DNAH7: variants seen among roughly 807,000 people sequenced by gnomAD.
The protein encoded by DNAH7 is axonemal beta dynein heavy chain 7.
DNAH7 carries 397 observed loss-of-function variants against 444.6 expected under a neutral mutation model. The ratio of observed to expected loss-of-function variants is 0.89; its 90% confidence interval spans 0.82 to 0.97. The LOEUF (loss-of-function observed/expected upper bound fraction) is 0.97, where lower values mean the gene tolerates loss of function less well. Among genes scored for constraint, DNAH7 ranks in the 50% least tolerant of loss-of-function variants. The pLI, the probability that DNAH7 is intolerant of heterozygous loss-of-function variation, is 0.00. For missense variants in DNAH7, 4,902 were observed against 4,800.8 expected, an observed-to-expected ratio of 1.02 and a Z score of -0.62; for synonymous variants, 1,636 against 1,624.4, an observed-to-expected ratio of 1.01 and a Z score of -0.17.
At chr2:195,985,465 T>C (rs1023066304) in intron 14 of DNAH7, among the ~76,000 whole-genome samples, 3 of 152,150 alleles carry the variant, frequency 2.0e-5, no homozygotes, top group African/African-American at 4.8e-5. Flanking sequence ...TTGAAAGCAA[T>C]GGGGCTGAGC....
chr2:195,962,680 A>T (rs1691191853), intron 17 of DNAH7, among the ~76,000 whole-genome samples: 1 of 152,164 alleles, frequency 6.6e-6, no homozygotes, highest in Non-Finnish European at 1.5e-5. Flanking sequence ...ATGTGCAATT[A>T]AATTATTGTT....
At chr2:196,015,827 T>C (rs1323747285) in intron 9 of DNAH7, among the ~76,000 whole-genome samples, 1 of 152,222 alleles carries the variant, frequency 6.6e-6, no homozygotes, top group Non-Finnish European at 1.5e-5. Flanking sequence ...CAATGCTGGC[T>C]ACTACTCAGA....
chr2:195,968,106 C>A (rs1209246291), intron 17 of DNAH7, among the ~76,000 whole-genome samples: 5 of 152,212 alleles, frequency 3.3e-5, no homozygotes, highest in African/African-American at 1.2e-4. Context: ...GCCTTCAGGG[C>A]AGTGGGCTCC....
chr2:195,884,866 T>A, intron 34 of DNAH7, 57 bp from the exon 35 acceptor site: 1 of 1,433,644 alleles, frequency 7.0e-7, no homozygotes, highest in South Asian at 1.3e-5. Flanking sequence ...TAATCTGTCC[T>A]TGAAGCTTAC....
In DNAH7 at chr2:196,010,151, CTT is replaced by C. The variant is rs369388805; in HGVS notation, c.989+2634_989+2635del. ...CCTGCTCTTCTTCTTCTTTCTCTCTCTTTTTTTTTTTTTCTTGAGCCAGAGTC... is the reference window on the plus strand; with the variant it reads ...CCTGCTCTTCTTCTTCTTTCTCTCTCTTTTTTTTTTTCTTGAGCCAGAGTC... On this transcript the variant is annotated intron_variant, in intron 10 of 64. Coordinates refer to ENST00000312428, the MANE Select transcript of DNAH7 (RefSeq NM_018897.3). 8.3e-5 allele frequency among the ~76,000 whole-genome samples: 12 copies of C among 145,108 alleles called. No individual in the cohort carries two copies. In the South Asian group the frequency reaches 1.7e-3, roughly 21 times the overall value.
Position 195,796,719 on chromosome 2 carries a change from G to A in DNAH7, c.10372C>T (p.Leu3458Phe), listed in dbSNP as rs140171981. Residue 3458 changes from leucine to phenylalanine, a missense_variant, in exon 56 of 65, where the codon CTT becomes TTT. Physicochemically the swap from Leu to Phe is conservative, Grantham distance 22. Transcript: ENST00000312428. ...CCTTGACCAAGAGATAAAGAGCTAAGTTTTGATCCCCCATATCCCTGTGTA... is the reference window on the plus strand; with the variant it reads ...CCTTGACCAAGAGATAAAGAGCTAAATTTTGATCCCCCATATCCCTGTGTA... ...ADDQGYGGSK[L>F]SSLSLGQGQG... 1.4e-5 allele frequency: 23 copies of A among 1,614,084 alleles called. 1 individual carries two copies. The African/African-American group carries it at 2.5e-4, about 18-fold the overall frequency.
intron 63 of DNAH7, among the ~76,000 whole-genome samples, chr2:195,747,033 C>G (rs577972491): frequency 6.6e-6 from 1 of 152,028 alleles, no homozygotes; most frequent in Non-Finnish European, 1.5e-5. Context: ...ACAAAAAAAC[C>G]CTTCAAAAAA....
At chr2:195,884,467 T>C (rs1180760614) in intron 35 of DNAH7, 118 bp downstream of exon 35, 29 of 734,138 alleles carry the variant, frequency 4.0e-5, no homozygotes, top group Admixed American at 1.2e-4. Context: ...CTCTATTCTA[T>C]GCTGTCTCTT....
At chr2:196,068,613 T>C (rs1483797257) in intron 1 of DNAH7, 84 bp downstream of exon 1, 1 of 1,533,834 alleles carries the variant, frequency 6.5e-7, no homozygotes, top group African/African-American at 1.4e-5. Flanking sequence ...GGGAGTTCGC[T>C]AGGCAGGAGG....
intron 27 of DNAH7, 87 bp from the exon 28 acceptor site, chr2:195,900,581 T>C: frequency 8.0e-7 from 1 of 1,248,300 alleles, no homozygotes; most frequent in Middle Eastern, 2.7e-4. Flanking sequence ...CTCTCACTAA[T>C]ATGTGGAGGC....
chr2:196,047,288 T>C, intron 5 of DNAH7, 64 bp downstream of exon 5: 3 of 1,377,566 alleles, frequency 2.2e-6, no homozygotes, highest in South Asian at 3.8e-5. Context: ...CTAATATTCT[T>C]AGGTTAAACG....
chr2:195,955,741 A>T (rs1690603740), intron 19 of DNAH7, among the ~76,000 whole-genome samples: 1 of 152,198 alleles, frequency 6.6e-6, no homozygotes, highest in African/African-American at 2.4e-5. Context: ...TTTAAAAAGA[A>T]TTTAATTTTT....
chr2:195,756,077 GA>G, intron 62 of DNAH7, 55 bp downstream of exon 62: 2 of 1,526,242 alleles, frequency 1.3e-6, no homozygotes, highest in Non-Finnish European at 1.8e-6. Flanking sequence ...GCATTCTGAC[GA>G]AGAAAATGAA....
chr2:195,988,935 A>G (rs1427926712), intron 12 of DNAH7, among the ~76,000 whole-genome samples: 2 of 152,152 alleles, frequency 1.3e-5, no homozygotes, highest in Admixed American at 1.3e-4. Flanking sequence ...GAGATCATTC[A>G]GTATTTGTCT....
chr2:195,916,972 G>A (rs1023864915), intron 24 of DNAH7, among the ~76,000 whole-genome samples: 4 of 149,066 alleles, frequency 2.7e-5, no homozygotes, highest in African/African-American at 9.9e-5. Context: ...TGTGGTGGCG[G>A]GCGCCTGTAG....
In DNAH7 at chr2:195,794,357, A is replaced by G. The variant is rs111705343; in HGVS notation, c.10697T>C (p.Phe3566Ser). The change falls in exon 57 of 65, where the codon TTT becomes TCT. Residue 3566 changes from phenylalanine to serine, a missense_variant. By Grantham distance (155) the Phe-to-Ser change is radical. Coordinates refer to ENST00000312428, the MANE Select transcript of DNAH7 (RefSeq NM_018897.3). ...ACTAACAGGCTTTTTGCAGCTGCCA[A>G]AGAACTCCGGATCAGAGATCGGGTC... ...LMDPISDPEF[F>S]GSCKKPEEFK... 1.4e-3 allele frequency: 2,322 copies of G among 1,614,158 alleles called. 10 individuals are homozygous for G. The highest frequency in any genetic ancestry group is 4.5e-3 in the South Asian group (412 of 91,080).
In DNAH7 at chr2:195,873,550, C is replaced by A. The variant is rs556356350; in HGVS notation, c.6413+18G>T. 2.5e-5 allele frequency: 32 copies of A among 1,261,000 alleles called. No homozygotes were observed. In the Admixed American group the frequency reaches 4.2e-4, roughly 16 times the overall value. The allele number at this position is 1,261,000 out of a possible 1,614,324, so 78.1% of individuals were successfully genotyped here. On this transcript the variant is annotated intron_variant, in intron 39 of 64. Transcript: ENST00000312428. ...TTATACCTCCTAATTAAAAAAAAAA[C>A]AAATTTTGATTACTTACCAGATTTC... is the stretch of plus-strand genomic sequence containing the variant.
chr2:195,934,821 C>T (rs748929347), intron 20 of DNAH7, 32 bp from the exon 21 acceptor site: 19 of 1,609,250 alleles, frequency 1.2e-5, no homozygotes, highest in Non-Finnish European at 8.5e-6. Context: ...AGATAATTAA[C>T]CAAGTTAAAA....
In DNAH7 at chr2:195,947,430, C is replaced by T. The variant is rs145693610; in HGVS notation, c.3078+9831G>A. Among the ~76,000 whole-genome samples, 459 of 152,204 alleles carry T rather than the reference C, an allele frequency of 3.0e-3. 3 individuals are homozygous for T. Among genetic ancestry groups the T allele is most frequent in the African/African-American group, 0.011 (440 of 41,536 alleles). ...TCTACATTAGGTATTTCTCCTAATG[C>T]TATCCCTCCCCTACCCCTTCACCCC... is the stretch of plus-strand genomic sequence containing the variant. On this transcript the variant is annotated intron_variant, in intron 19 of 64. Transcript: ENST00000312428.
Sources: gnomAD v4.1 joint callset for allele counts (sites outside exome capture counted in the v4.1 genomes callset) on GRCh38, gnomAD v4.1.1 for gene constraint, MANE v1.5 for transcripts, NCBI Gene and HGNC (gene_info 2026-07-23, HGNC 2026-07-21) for gene names.